Variants in SGCD observed in about 807,000 individuals in gnomAD.
SGCD encodes the protein delta-sarcoglycan.
SGCD carries 18 observed loss-of-function variants against 36.6 expected under a neutral mutation model. The ratio of observed to expected loss-of-function variants is 0.49; its 90% CI spans 0.34 to 0.73. The LOEUF (loss-of-function observed/expected upper bound fraction) is 0.73, where lower values mean the gene tolerates loss of function less well. SGCD is among the 30% of genes least tolerant of loss of function. SGCD has a pLI of 0.01. For synonymous variants in SGCD, 133 were observed against 130.6 expected (o/e 1.02, Z -0.12); for missense variants, 387 against 346.7 (o/e 1.12, Z -0.92).
intron 3 of SGCD, among the ~76,000 whole-genome samples, chr5:156,229,300 A>ATATATATATATATATATATATATAT (rs1477607808): frequency 2.7e-3 from 334 of 125,866 alleles, no homozygotes; most frequent in Non-Finnish European, 3.2e-3. Context: ...ATATATATAT[A>ATATATATATATATATATATATATAT]AAATTAGTTC....
intron 1 of SGCD, among the ~76,000 whole-genome samples, chr5:156,078,822 G>GTT (rs1283884594): frequency 6.7e-6 from 1 of 150,184 alleles, no homozygotes; most frequent in Non-Finnish European, 1.5e-5. Context: ...TTTTATTCAG[G>GTT]TTTTTGCAGT....
intron 4 of SGCD, among the ~76,000 whole-genome samples, chr5:156,569,403 C>G (rs908546669): frequency 6.6e-6 from 1 of 151,954 alleles, no homozygotes; most frequent in African/African-American, 2.4e-5. Flanking sequence ...ACCAGCCTGG[C>G]CAACATGGTG....
intron 1 of SGCD, among the ~76,000 whole-genome samples, chr5:155,997,864 G>A (rs1465196938): frequency 2.0e-5 from 3 of 152,198 alleles, no homozygotes; most frequent in Non-Finnish European, 2.9e-5. Flanking sequence ...CTGTCAACTT[G>A]TTGTTGACTC....
intron 4 of SGCD, among the ~76,000 whole-genome samples, chr5:156,536,947 A>G (rs1405665329): frequency 6.6e-6 from 1 of 152,120 alleles, no homozygotes; most frequent in Non-Finnish European, 1.5e-5. Context: ...CCAGGATAGT[A>G]GTAATGGAGG....
intron 1 of SGCD, among the ~76,000 whole-genome samples, chr5:155,981,897 G>A (rs1758236610): frequency 6.6e-6 from 1 of 152,176 alleles, no homozygotes; most frequent in Admixed American, 6.5e-5. Context: ...GACCTTTTAG[G>A]GTGTCAGGAC....
chr5:156,290,322 G>T (rs1239605133), intron 3 of SGCD, among the ~76,000 whole-genome samples: 1 of 152,128 alleles, frequency 6.6e-6, no homozygotes, highest in Non-Finnish European at 1.5e-5. Flanking sequence ...TGCTAACCAA[G>T]ACGGTTCCAC....
chr5:155,987,018 C>T (rs769450633), intron 1 of SGCD, among the ~76,000 whole-genome samples: 2 of 152,152 alleles, frequency 1.3e-5, no homozygotes, highest in Non-Finnish European at 2.9e-5. Flanking sequence ...CGTCTTAATG[C>T]ATATAATGGT....
chr5:156,526,376 A>C (rs1340923059), intron 4 of SGCD, among the ~76,000 whole-genome samples: 1 of 152,164 alleles, frequency 6.6e-6, no homozygotes, highest in Non-Finnish European at 1.5e-5. Flanking sequence ...TTAGAAACAA[A>C]ATGAAGGCTA....
rs1355977401 is a variant in SGCD at position 155,879,862 on chromosome 5, G to T, written c.-282+9438G>T. 2.0e-5 allele frequency among the ~76,000 whole-genome samples: 3 copies of T among 152,118 alleles called. No individual in the cohort carries two copies. In the East Asian group the frequency reaches 5.8e-4, roughly 29 times the overall value. On this transcript the variant is annotated intron_variant, in intron 1 of 9. Coordinates refer to the SGCD transcript ENST00000517913. Reference sequence around the variant, plus strand: ...AAATGGAACTTGGCTTGCCTCCATTGTTGTAGGCATGGTGTAGTTTGATTT... The same window carrying T: ...AAATGGAACTTGGCTTGCCTCCATTTTTGTAGGCATGGTGTAGTTTGATTT...
intron 1 of SGCD, among the ~76,000 whole-genome samples, chr5:156,024,893 G>A (rs1759192298): frequency 6.6e-6 from 1 of 151,574 alleles, no homozygotes; most frequent in South Asian, 2.1e-4. Flanking sequence ...TGGAGGCAGA[G>A]GTTGCAGTGA....
chr5:155,782,921 G>A, the SGCD span, among the ~76,000 whole-genome samples: 2 of 152,124 alleles, frequency 1.3e-5, no homozygotes, highest in African/African-American at 4.8e-5. Context: ...TGCTAAAAAG[G>A]TTGGGGACTG....
intron 1 of SGCD, among the ~76,000 whole-genome samples, chr5:155,974,541 T>G (rs1758071155): frequency 1.3e-5 from 2 of 150,688 alleles, no homozygotes; most frequent in African/African-American, 4.9e-5. Flanking sequence ...CAACTCCCAC[T>G]GGACGGCCAG....
At chr5:155,945,553 A>G (rs553014052) in intron 1 of SGCD, among the ~76,000 whole-genome samples, 1 of 152,336 alleles carries the variant, frequency 6.6e-6, no homozygotes, top group East Asian at 1.9e-4. Flanking sequence ...AAGCATTTGC[A>G]GAGGACGGAA....
At chr5:156,504,418 A>ATATATATG (rs1756608592) in intron 3 of SGCD, among the ~76,000 whole-genome samples, 1 of 136,582 alleles carries the variant, frequency 7.3e-6, no homozygotes, top group Admixed American at 7.2e-5. Context: ...ATATATATAT[A>ATATATATG]TATATATGTC....
intron 4 of SGCD, among the ~76,000 whole-genome samples, chr5:156,569,549 C>T (rs1157355413): frequency 6.6e-6 from 1 of 151,582 alleles, no homozygotes; most frequent in East Asian, 1.9e-4. Flanking sequence ...CCAAGATCGC[C>T]CCACTGCACT....
chr5:156,621,278 G>A (rs916820571), intron 6 of SGCD, among the ~76,000 whole-genome samples: 6 of 152,094 alleles, frequency 3.9e-5, no homozygotes, highest in Admixed American at 2.0e-4. Context: ...TGCAACCTCC[G>A]ACTCTCAGGT....
intron 1 of SGCD, among the ~76,000 whole-genome samples, chr5:156,026,141 T>G (rs909689177): frequency 6.6e-6 from 1 of 152,220 alleles, no homozygotes; most frequent in South Asian, 2.1e-4. Flanking sequence ...GATAGAAATA[T>G]GCAACTTAGT....
chr5:156,120,323 G>C (rs1762008050), intron 2 of SGCD, among the ~76,000 whole-genome samples: 1 of 152,096 alleles, frequency 6.6e-6, no homozygotes, highest in South Asian at 2.1e-4. Context: ...TTATAGAATT[G>C]TCTCTCTCTA....
At chr5:156,485,620 C>T (rs1755625001) in intron 3 of SGCD, among the ~76,000 whole-genome samples, 1 of 152,016 alleles carries the variant, frequency 6.6e-6, no homozygotes. Flanking sequence ...CACGCCATTG[C>T]ACTCTAGCCT....
Sources: gnomAD v4.1 joint callset for allele counts (sites outside exome capture counted in the v4.1 genomes callset) on GRCh38, gnomAD v4.1.1 for gene constraint, MANE v1.5 for transcripts, NCBI Gene and HGNC (gene_info 2026-07-23, HGNC 2026-07-21) for gene names.